NREP: variants seen among roughly 807,000 people sequenced by gnomAD.
The protein encoded by NREP is neuronal regeneration related protein.
NREP carries 5 observed loss-of-function variants against 8.6 expected under a neutral mutation model. The observed-to-expected ratio is 0.58, with a 90% CI of 0.30 to 1.22. The LOEUF (loss-of-function observed/expected upper bound fraction) is 1.22. Among genes scored for constraint, NREP ranks in the 50% most tolerant of loss-of-function variants. The pLI is 0.07. For synonymous variants in NREP, 27 were observed against 28.0 expected (o/e 0.96, Z 0.11); for missense variants, 86 against 82.5 (o/e 1.04, Z -0.17).
chr5:111,735,738 A>G (rs1388931865), intron 2 of NREP, among the ~76,000 whole-genome samples: 1 of 152,214 alleles, frequency 6.6e-6, no homozygotes, highest in Non-Finnish European at 1.5e-5. Flanking sequence ...CCAATAAAGC[A>G]GAGATATCAA....
chr5:111,740,277 C>T (rs558045728), intron 2 of NREP, among the ~76,000 whole-genome samples: 2 of 152,016 alleles, frequency 1.3e-5, no homozygotes, highest in Non-Finnish European at 2.9e-5. Context: ...TTAGGAAATA[C>T]CAATTTTATG....
At chr5:111,900,794 A>C (rs989741061) in intron 2 of NREP, among the ~76,000 whole-genome samples, 8 of 152,154 alleles carry the variant, frequency 5.3e-5, no homozygotes, top group African/African-American at 1.9e-4. Flanking sequence ...GGAAAGTCCC[A>C]GGACCAAATG....
At chr5:111,882,188 A>G (rs562666573) in intron 2 of NREP, among the ~76,000 whole-genome samples, 1 of 152,360 alleles carries the variant, frequency 6.6e-6, no homozygotes, top group South Asian at 2.1e-4. Flanking sequence ...AGAATGCAGA[A>G]GCCTCAGGAG....
At chr5:111,872,758 A>G (rs1216102428) in intron 2 of NREP, among the ~76,000 whole-genome samples, 3 of 152,158 alleles carry the variant, frequency 2.0e-5, no homozygotes, top group African/African-American at 7.2e-5. Flanking sequence ...AAATATTTGT[A>G]TTTGTGACAG....
At chr5:111,757,266 G>A (rs1561653039), upstream of NREP, 1 of 287,094 alleles carries the variant, frequency 3.5e-6, no homozygotes, top group South Asian at 1.4e-4. Context: ...GAGGGGGAGG[G>A]GAAAGGGGTG....
At chr5:111,751,031 C>T (rs1196454721) in intron 2 of NREP, among the ~76,000 whole-genome samples, 1 of 152,178 alleles carries the variant, frequency 6.6e-6, no homozygotes, top group African/African-American at 2.4e-5. Context: ...ATACAAATTA[C>T]TTCTAGTTCA....
intron 2 of NREP, among the ~76,000 whole-genome samples, chr5:111,885,758 T>A (rs1472818971): frequency 6.6e-6 from 1 of 152,224 alleles, no homozygotes; most frequent in African/African-American, 2.4e-5. Flanking sequence ...CTGGGAAAAC[T>A]GGCTAGCCAT....
At chr5:111,840,034 A>G (rs1169068380) in intron 2 of NREP, among the ~76,000 whole-genome samples, 1 of 152,078 alleles carries the variant, frequency 6.6e-6, no homozygotes, top group African/African-American at 2.4e-5. Flanking sequence ...TCAATTTAGT[A>G]TTTGTTTTCA....
intron 2 of NREP, among the ~76,000 whole-genome samples, chr5:111,813,473 C>T (rs991364065): frequency 2.0e-5 from 3 of 152,022 alleles, no homozygotes; most frequent in African/African-American, 4.8e-5. Context: ...TTCTAACATG[C>T]TTGTATTCGT....
chr5:111,964,789 C>T (rs1756585720), intron 2 of NREP, among the ~76,000 whole-genome samples: 1 of 135,602 alleles, frequency 7.4e-6, no homozygotes, highest in Non-Finnish European at 1.5e-5. Flanking sequence ...AGGGTATATA[C>T]CTGTAGAGAT....
intron 2 of NREP, among the ~76,000 whole-genome samples, chr5:111,822,886 A>G (rs1265644156): frequency 6.6e-6 from 1 of 152,258 alleles, no homozygotes; most frequent in Non-Finnish European, 1.5e-5. Flanking sequence ...ATATCACTGG[A>G]ATCAATAAAT....
chr5:111,732,031 T>C (rs1328892680), intron 3 of NREP: 1 of 152,230 alleles, frequency 6.6e-6, no homozygotes, highest in Non-Finnish European at 1.5e-5. Flanking sequence ...CTCTGGAGTT[T>C]TAATTACTGA....
chr5:111,961,066 T>C (rs1043377143), intron 2 of NREP, among the ~76,000 whole-genome samples: 1 of 152,228 alleles, frequency 6.6e-6, no homozygotes, highest in Non-Finnish European at 1.5e-5. Flanking sequence ...CCACTTCCAA[T>C]GTCTGTAACA....
chr5:111,741,607 C>T (rs751517510), intron 2 of NREP, among the ~76,000 whole-genome samples: 5 of 152,110 alleles, frequency 3.3e-5, no homozygotes, highest in African/African-American at 4.8e-5. Flanking sequence ...TCTGCCTAAC[C>T]TTGTGAATGC....
chr5:111,875,878 A>G (rs1383693594), intron 2 of NREP, among the ~76,000 whole-genome samples: 1 of 152,158 alleles, frequency 6.6e-6, no homozygotes, highest in Non-Finnish European at 1.5e-5. Flanking sequence ...AAAAGAGAAT[A>G]GCTCTCTCCT....
chr5:111,816,011 C>T (rs2112919188), intron 2 of NREP, among the ~76,000 whole-genome samples: 1 of 152,222 alleles, frequency 6.6e-6, no homozygotes, highest in Non-Finnish European at 1.5e-5. Context: ...AAAGGTAATA[C>T]AAACAGCTGA....
At chr5:111,796,433 T>A (rs1751874557) in intron 2 of NREP, among the ~76,000 whole-genome samples, 2 of 152,170 alleles carry the variant, frequency 1.3e-5, no homozygotes, top group South Asian at 4.2e-4. Context: ...TGTGAATATC[T>A]TTAGGGGATC....
At chr5:111,734,960 C>T (rs1029010743) in intron 3 of NREP, 9 of 407,878 alleles carry the variant, frequency 2.2e-5, no homozygotes, top group Non-Finnish European at 3.9e-5. Flanking sequence ...ACAATGAAAC[C>T]ACGTTTATAA....
intron 2 of NREP, among the ~76,000 whole-genome samples, chr5:111,880,544 C>A (rs1057073502): frequency 6.6e-6 from 1 of 151,992 alleles, no homozygotes; most frequent in Non-Finnish European, 1.5e-5. Context: ...CCTTGTGTAT[C>A]CAAATCTTCT....
Sources: allele counts gnomAD v4.1 joint callset (sites outside exome capture counted in the v4.1 genomes callset), GRCh38; gene constraint gnomAD v4.1.1; transcripts MANE v1.5; gene names NCBI Gene and HGNC (gene_info 2026-07-23, HGNC 2026-07-21).